Variants in ANO1 observed in about 807,000 individuals in gnomAD.
ANO1 encodes anoctamin-1.
Under a neutral mutation model 124.0 loss-of-function variants are expected in ANO1, and 59 were observed. The ratio of observed to expected loss-of-function variants is 0.48; its 90% confidence interval spans 0.39 to 0.59. The LOEUF is 0.59. Among genes scored for constraint, ANO1 ranks in the 20% least tolerant of loss-of-function variants. ANO1 has a pLI of 0.00. For missense variants in ANO1, 1,059 were observed against 1,328.0 expected, an observed-to-expected ratio of 0.80 and a Z score of 3.15; for synonymous variants, 529 against 532.0, an observed-to-expected ratio of 0.99 and a Z score of 0.08.
upstream of ANO1, among the ~76,000 whole-genome samples, chr11:69,981,258 G>T (rs1265927736): frequency 1.3e-5 from 2 of 152,130 alleles, no homozygotes; most frequent in Non-Finnish European, 2.9e-5. Flanking sequence ...TTATGTGCAA[G>T]CCCCACTCTC....
the ANO1 span, among the ~76,000 whole-genome samples, chr11:69,976,553 A>AAGAG: frequency 2.3e-3 from 197 of 86,080 alleles, 57 homozygotes; most frequent in East Asian, 2.0e-3. Flanking sequence ...AAAAAAAAAA[A>AAGAG]AGAGAGAGAG....
At chr11:70,186,352 GAGGAAGGAAGGAAGGA>G (rs58940209) in intron 25 of ANO1, among the ~76,000 whole-genome samples, 69 of 126,896 alleles carry the variant, frequency 5.4e-4, no homozygotes, top group African/African-American at 7.0e-4. Context: ...GAGGGGGAGG[GAGGAAGGAAGGAAGGA>G]AGGAAGGAAG....
chr11:70,157,041 G>A lies in ANO1; in HGVS notation c.1578+20G>A. 1 of 1,608,624 alleles carries A rather than the reference G, an allele frequency of 6.2e-7. No homozygotes were observed. Among genetic ancestry groups the A allele is most frequent in the Middle Eastern group, 1.7e-4 (1 of 6,052 alleles). ...TTCATGGTAAGTTCCAGAAGGTTAA[G>A]GCCAGACGAAGTCAGGGGAAACCGC... On this transcript the variant is annotated intron_variant, in intron 16 of 25. Coordinates refer to ENST00000355303, the MANE Select transcript of ANO1 (RefSeq NM_018043.7).
chr11:69,987,360 C>T (rs1352936307), intron 1 of ANO1, among the ~76,000 whole-genome samples: 1 of 152,200 alleles, frequency 6.6e-6, no homozygotes, highest in Non-Finnish European at 1.5e-5. Context: ...GCTTCAGGCA[C>T]TGATTCAAAT....
At chr11:69,984,674 T>A (rs1184732436), upstream of ANO1, among the ~76,000 whole-genome samples, 12 of 152,154 alleles carry the variant, frequency 7.9e-5, no homozygotes, top group Admixed American at 7.8e-4. Context: ...TCCGCGGGGA[T>A]GTGGTCTGTC....
intron 2 of ANO1, among the ~76,000 whole-genome samples, chr11:70,093,870 G>C (rs2044736247): frequency 1.3e-5 from 2 of 152,262 alleles, no homozygotes; most frequent in South Asian, 4.1e-4. Flanking sequence ...GGGGCTCCGA[G>C]TGCGGGTTCA....
intron 25 of ANO1, among the ~76,000 whole-genome samples, chr11:70,186,395 G>GAAGGAAGGAAGGAAGGAAGA (rs1251399539): frequency 4.7e-4 from 68 of 146,092 alleles, no homozygotes; most frequent in Non-Finnish European, 6.6e-4. Context: ...AGGAAGGAAG[G>GAAGGAAGGAAGGAAGGAAGA]AAGAAAGACA....
rs1164762585 is a variant in ANO1 at position 70,188,150 on chromosome 11, T to C, written c.*146T>C. On this transcript the variant is annotated 3_prime_UTR_variant, in exon 26 of 26. Coordinates refer to ENST00000355303, the MANE Select transcript of ANO1 (RefSeq NM_018043.7). ...GAGGACCACTTTCTGATAGGACATT[T>C]TCCTTTCTTCTTTCTGTTTTCTTTC... 2.3e-5 allele frequency: 21 copies of C among 927,594 alleles called. No homozygotes were observed. The highest frequency in any genetic ancestry group is 3.1e-5 in the Non-Finnish European group (20 of 637,316). 57.5% of individuals were successfully genotyped at this position (927,594 alleles called of 1,614,324 possible).
At chr11:70,017,926 C>G (rs985558861) in intron 1 of ANO1, among the ~76,000 whole-genome samples, 4 of 152,184 alleles carry the variant, frequency 2.6e-5, no homozygotes, top group African/African-American at 9.7e-5. Flanking sequence ...CTCCAGCCCC[C>G]TTTCCCTGAT....
chr11:70,014,306 A>G (rs1591034762), intron 1 of ANO1, among the ~76,000 whole-genome samples: 1 of 109,822 alleles, frequency 9.1e-6, no homozygotes, highest in East Asian at 3.0e-4. Flanking sequence ...GGAGCTCTTC[A>G]GGGCACCCCA....
chr11:70,110,968 G>A (rs1590759932), intron 6 of ANO1, among the ~76,000 whole-genome samples: 1 of 152,244 alleles, frequency 6.6e-6, no homozygotes, highest in East Asian at 1.9e-4. Flanking sequence ...GGCCCTGGGG[G>A]CCACGTAAAA....
At chr11:70,108,257 A>G in intron 5 of ANO1, 96 bp from the exon 6 acceptor site, 1 of 1,239,390 alleles carries the variant, frequency 8.1e-7, no homozygotes, top group Non-Finnish European at 1.2e-6. Context: ...TTCATGCGTA[A>G]CGTGTGACCA....
chr11:69,977,994 TGAG>T, the ANO1 span, among the ~76,000 whole-genome samples: 11 of 152,234 alleles, frequency 7.2e-5, no homozygotes, highest in Non-Finnish European at 1.6e-4. Flanking sequence ...AAGGGACACT[TGAG>T]GAGGGTTTCT....
chr11:70,099,984 G>A (rs558803718), intron 2 of ANO1, among the ~76,000 whole-genome samples: 2 of 152,224 alleles, frequency 1.3e-5, no homozygotes, highest in African/African-American at 4.8e-5. Context: ...TCCAGTTCAC[G>A]CTGAGATCAT....
Position 70,035,520 on chromosome 11 carries a change from CTA to C in ANO1, c.59-43005_59-43004del, listed in dbSNP as rs34200982. 2.0e-4 allele frequency among the ~76,000 whole-genome samples: 30 copies of C among 147,536 alleles called. 1 individual carries two copies. Among genetic ancestry groups the C allele is most frequent in the East Asian group, 6.5e-4 (3 of 4,600 alleles). On this transcript the variant is annotated intron_variant, in intron 1 of 27. Transcript: ENST00000531349. Reference sequence around the variant, plus strand: ...TAACTGGTAGCCCAGTAAGCTGTTGCTATATATATATATATATACTTTAAGTT... The same window carrying C: ...TAACTGGTAGCCCAGTAAGCTGTTGCTATATATATATATATACTTTAAGTT...
At chr11:69,967,363 T>A in the ANO1 span, among the ~76,000 whole-genome samples, 10 of 152,228 alleles carry the variant, frequency 6.6e-5, no homozygotes, top group Non-Finnish European at 1.5e-4. Flanking sequence ...AGCATCAGGC[T>A]CTGAGCGTAG....
chr11:70,024,797 G>A (rs573047220), intron 1 of ANO1, among the ~76,000 whole-genome samples: 3 of 152,018 alleles, frequency 2.0e-5, no homozygotes, highest in Admixed American at 1.3e-4. Flanking sequence ...CCCACCGCCC[G>A]AGCTGCCTCC....
chr11:70,129,240 T>A (rs951776804), intron 10 of ANO1: 2 of 152,242 alleles, frequency 1.3e-5, no homozygotes, highest in Non-Finnish European at 2.9e-5. Context: ...TGCATAATAA[T>A]GACAACAGCG....
intron 2 of ANO1, among the ~76,000 whole-genome samples, chr11:70,095,756 C>T (rs1000721003): frequency 6.6e-6 from 1 of 152,210 alleles, no homozygotes; most frequent in Non-Finnish European, 1.5e-5. Context: ...GAGCCCCTCA[C>T]CCCCGCCGGA....
Sources: allele counts gnomAD v4.1 joint callset (sites outside exome capture counted in the v4.1 genomes callset), GRCh38; gene constraint gnomAD v4.1.1; transcripts MANE v1.5; gene names NCBI Gene and HGNC (gene_info 2026-07-23, HGNC 2026-07-21).